Variants in ITFG1 observed in about 807,000 individuals in gnomAD.
ITFG1 encodes T-cell immunomodulatory protein.
A neutral mutation model predicts 81.8 loss-of-function variants in ITFG1; 34 were observed. That is an observed-to-expected ratio of 0.42 (90% confidence interval 0.32 to 0.55). The LOEUF is 0.55. ITFG1 is among the 20% of genes least tolerant of loss of function. The pLI is 0.17. For synonymous variants in ITFG1, 285 were observed against 270.6 expected, an observed-to-expected ratio of 1.05 and a Z score of -0.52; for missense variants, 672 against 755.4, an observed-to-expected ratio of 0.89 and a Z score of 1.29.
chr16:47,271,095 T>A (rs1480208839), intron 10 of ITFG1, among the ~76,000 whole-genome samples: 2 of 152,178 alleles, frequency 1.3e-5, no homozygotes, highest in African/African-American at 4.8e-5. Context: ...GAAACTCTCA[T>A]GATAAAAGCA....
chr16:47,439,697 G>A (rs1021021010), intron 5 of ITFG1, among the ~76,000 whole-genome samples: 1 of 152,174 alleles, frequency 6.6e-6, no homozygotes, highest in African/African-American at 2.4e-5. Context: ...ACTAAACATG[G>A]AAAGGAACAA....
intron 10 of ITFG1, among the ~76,000 whole-genome samples, chr16:47,275,888 TAAATA>T (rs1966393075): frequency 6.6e-6 from 1 of 152,058 alleles, no homozygotes; most frequent in Admixed American, 6.6e-5. Context: ...ATTAGAAGAA[TAAATA>T]AAATAAAAAG....
chr16:47,229,734 A>G (rs1596821392), intron 13 of ITFG1, among the ~76,000 whole-genome samples: 1 of 151,896 alleles, frequency 6.6e-6, no homozygotes, highest in African/African-American at 2.4e-5. Flanking sequence ...TGGGAAGAGG[A>G]CTGGGTTTTG....
intron 14 of ITFG1, among the ~76,000 whole-genome samples, chr16:47,187,955 C>T (rs1337822125): frequency 2.6e-5 from 4 of 152,016 alleles, no homozygotes; most frequent in Middle Eastern, 3.4e-3. Flanking sequence ...GGGCGAAGGA[C>T]ATGAACAGAC....
intron 12 of ITFG1, among the ~76,000 whole-genome samples, chr16:47,238,752 T>C (rs1965902091): frequency 1.3e-5 from 2 of 152,180 alleles, no homozygotes; most frequent in Admixed American, 6.5e-5. Flanking sequence ...ATTATTTTCT[T>C]AGTTATGAAT....
chr16:47,209,409 ATG>A (rs1350721760), intron 14 of ITFG1, among the ~76,000 whole-genome samples: 1 of 152,192 alleles, frequency 6.6e-6, no homozygotes, highest in Non-Finnish European at 1.5e-5. Context: ...CAAATATACA[ATG>A]GTATTTTAGG....
At chr16:47,350,573 T>C (rs1025822352) in intron 8 of ITFG1, among the ~76,000 whole-genome samples, 6 of 152,146 alleles carry the variant, frequency 3.9e-5, no homozygotes, top group Non-Finnish European at 2.9e-5. Context: ...CAATAATTAA[T>C]AGCTTACCAA....
chr16:47,460,489 C>T (rs1737220535), intron 1 of ITFG1, among the ~76,000 whole-genome samples: 1 of 152,042 alleles, frequency 6.6e-6, no homozygotes, highest in African/African-American at 2.4e-5. Flanking sequence ...AACGTTGAGG[C>T]AAGCTACAAA....
intron 14 of ITFG1, among the ~76,000 whole-genome samples, chr16:47,169,830 T>C (rs1160784803): frequency 6.6e-6 from 1 of 152,230 alleles, no homozygotes; most frequent in Non-Finnish European, 1.5e-5. Flanking sequence ...TTCTTATAAA[T>C]GCCCTTTGTG....
chr16:47,257,690 C>G (rs898945816), intron 12 of ITFG1, among the ~76,000 whole-genome samples: 1 of 152,158 alleles, frequency 6.6e-6, no homozygotes, highest in Non-Finnish European at 1.5e-5. Flanking sequence ...AAAATAGTTA[C>G]AAATGTGTAG....
rs548395151 is a variant in ITFG1 at position 47,259,978 on chromosome 16, G to A, written c.1221+567C>T. Among the ~76,000 whole-genome samples the A allele has an allele frequency of 4.8e-5, 7 of 145,752 alleles. No homozygotes were observed. The East Asian group carries it at 1.0e-3, about 21-fold the overall frequency. ...TTTTGAGACGGAGTCTTGCTCTGTC[G>A]CCCAGGCTGGAGTGCAGTGGCGCAA... On this transcript the variant is annotated intron_variant, in intron 11 of 17. Coordinates refer to ENST00000320640, the MANE Select transcript of ITFG1 (RefSeq NM_030790.5).
At chr16:47,441,617 T>C (rs13338489) in intron 5 of ITFG1, among the ~76,000 whole-genome samples, 17,972 of 152,042 alleles carry the variant, frequency 0.12, 2,344 homozygotes, top group African/African-American at 0.33. Flanking sequence ...AGGCCTTTGA[T>C]AAAATTCAAC....
chr16:47,223,701 C>T (rs986564142), intron 13 of ITFG1, among the ~76,000 whole-genome samples: 8 of 152,174 alleles, frequency 5.3e-5, no homozygotes, highest in South Asian at 2.1e-4. Context: ...TTGACCCAGC[C>T]GTCCCATTAC....
chr16:47,192,591 C>A (rs1475097700), intron 14 of ITFG1, among the ~76,000 whole-genome samples: 1 of 152,198 alleles, frequency 6.6e-6, no homozygotes, highest in Admixed American at 6.5e-5. Flanking sequence ...GTCCCCCCAA[C>A]CACCCACCTG....
intron 12 of ITFG1, among the ~76,000 whole-genome samples, chr16:47,244,606 TGTGTGTG>T (rs1965976637): frequency 1.1e-5 from 1 of 91,138 alleles, no homozygotes; most frequent in Admixed American, 9.0e-5. Flanking sequence ...TGTGTGTGTG[TGTGTGTG>T]TGTGTGTGTG....
chr16:47,288,956 T>C (rs1443844232), intron 10 of ITFG1, among the ~76,000 whole-genome samples: 2 of 152,176 alleles, frequency 1.3e-5, no homozygotes, highest in Non-Finnish European at 2.9e-5. Context: ...AGCTTCCAAC[T>C]TTTCCTCGTG....
chr16:47,326,173 G>A (rs1319628779), intron 8 of ITFG1, among the ~76,000 whole-genome samples: 2 of 152,088 alleles, frequency 1.3e-5, no homozygotes, highest in Non-Finnish European at 2.9e-5. Flanking sequence ...TTCAACATAC[G>A]AAAATCAATA....
intron 10 of ITFG1, among the ~76,000 whole-genome samples, chr16:47,282,271 G>A (rs576987103): frequency 6.6e-6 from 1 of 152,098 alleles, no homozygotes; most frequent in South Asian, 2.1e-4. Flanking sequence ...AGCCTTGCGA[G>A]TCTTCACTAT....
At chr16:47,384,384 C>T (rs1403891560) in intron 6 of ITFG1, among the ~76,000 whole-genome samples, 1 of 152,198 alleles carries the variant, frequency 6.6e-6, no homozygotes, top group African/African-American at 2.4e-5. Flanking sequence ...CACTTACGCT[C>T]CATCTAGTCT....
Sources: gnomAD v4.1 joint callset for allele counts (sites outside exome capture counted in the v4.1 genomes callset) on GRCh38, gnomAD v4.1.1 for gene constraint, MANE v1.5 for transcripts, NCBI Gene and HGNC (gene_info 2026-07-23, HGNC 2026-07-21) for gene names.